UBP1: variants seen among roughly 807,000 people sequenced by gnomAD.
UBP1 encodes upstream-binding protein 1.
UBP1 carries 22 observed loss-of-function variants against 76.1 expected under a neutral mutation model. That is an observed-to-expected ratio of 0.29 (90% CI 0.21 to 0.41). The LOEUF (loss-of-function observed/expected upper bound fraction) is 0.41. UBP1 is among the 10% of genes least tolerant of loss of function. UBP1 has a pLI of 1.00. For synonymous variants in UBP1, 224 were observed against 237.1 expected, an observed-to-expected ratio of 0.94 and a Z score of 0.51; for missense variants, 436 against 668.1, an observed-to-expected ratio of 0.65 and a Z score of 3.83.
chr3:33,422,057 T>C (rs1231748711), intron 2 of UBP1, among the ~76,000 whole-genome samples: 1 of 151,920 alleles, frequency 6.6e-6, no homozygotes, highest in African/African-American at 2.4e-5. Context: ...AATAAATAAA[T>C]AATAAAATTA....
intron 2 of UBP1, among the ~76,000 whole-genome samples, 175 bp from the exon 3 acceptor site, chr3:33,417,009 T>A (rs778929036): frequency 3.9e-5 from 6 of 152,244 alleles, no homozygotes; most frequent in Non-Finnish European, 8.8e-5. Flanking sequence ...ACCAACCTTC[T>A]GTTCTAACAT....
At chr3:33,427,092 C>G (rs556173492) in intron 1 of UBP1, among the ~76,000 whole-genome samples, 1 of 152,342 alleles carries the variant, frequency 6.6e-6, no homozygotes, top group African/African-American at 2.4e-5. Context: ...TTCCGCCTCC[C>G]AAGTAGCTGG....
intron 2 of UBP1, among the ~76,000 whole-genome samples, chr3:33,420,085 G>A (rs1457561237): frequency 6.6e-6 from 1 of 152,094 alleles, no homozygotes; most frequent in Non-Finnish European, 1.5e-5. Context: ...TGGGACTCCA[G>A]GGCAACATGG....
intron 3 of UBP1, among the ~76,000 whole-genome samples, chr3:33,415,029 A>C (rs913362787): frequency 6.6e-6 from 1 of 152,184 alleles, no homozygotes. Context: ...TTGTATATTA[A>C]ATGTTTTTAC....
At chr3:33,422,611 G>C (rs1027365137) in intron 2 of UBP1, among the ~76,000 whole-genome samples, 1 of 151,914 alleles carries the variant, frequency 6.6e-6, no homozygotes, top group East Asian at 1.9e-4. Context: ...TGTAGTCCCA[G>C]CTACTCAGGA....
chr3:33,429,199 T>G (rs1442013377), intron 1 of UBP1, among the ~76,000 whole-genome samples: 1 of 152,224 alleles, frequency 6.6e-6, no homozygotes, highest in Non-Finnish European at 1.5e-5. Context: ...CAATTAGTAT[T>G]AAGATTGAAA....
chr3:33,414,509 TC>T (rs1396053632), intron 3 of UBP1, among the ~76,000 whole-genome samples: 2 of 152,112 alleles, frequency 1.3e-5, no homozygotes, highest in African/African-American at 4.8e-5. Flanking sequence ...TTCAAGAAGT[TC>T]CAAAGCACCT....
rs2154053660 is a variant in UBP1, at chr3:33,388,645, A to G, written c.*1686T>C. ...AAAACTTTTAAAACAAACGAGATAAACTCACTTCTTTCCCCAGTGACTGGT... is the reference window on the plus strand; with the variant it reads ...AAAACTTTTAAAACAAACGAGATAAGCTCACTTCTTTCCCCAGTGACTGGT... On this transcript the variant is annotated 3_prime_UTR_variant, in exon 16 of 16. Transcript: ENST00000283629. 6.6e-6 allele frequency: 1 copy of G among 152,354 alleles called. No individual in the cohort carries two copies. Among genetic ancestry groups the G allele is most frequent in the East Asian group, 1.9e-4 (1 of 5,186 alleles). The allele number at this position is 152,354 out of a possible 1,614,324, so 9.4% of individuals were successfully genotyped here.
At chr3:33,394,972 C>T (rs1246907929) in intron 13 of UBP1, among the ~76,000 whole-genome samples, 1 of 152,050 alleles carries the variant, frequency 6.6e-6, no homozygotes, top group Non-Finnish European at 1.5e-5. Flanking sequence ...ACTACCTGAC[C>T]TTTTACAGAA....
At chr3:33,391,749 G>A (rs1030157048) in intron 15 of UBP1, 4 of 152,298 alleles carry the variant, frequency 2.6e-5, no homozygotes, top group South Asian at 2.1e-4. Context: ...CTCCTGCCTC[G>A]TTTTGCCACC....
chr3:33,413,177 T>C (rs1363593515), intron 3 of UBP1, among the ~76,000 whole-genome samples: 2 of 152,262 alleles, frequency 1.3e-5, no homozygotes, highest in South Asian at 2.1e-4. Context: ...ACAGGAGTTA[T>C]TAAAAATGAA....
At chr3:33,439,224 C>A (rs539943760) in intron 1 of UBP1, among the ~76,000 whole-genome samples, 7 of 152,192 alleles carry the variant, frequency 4.6e-5, no homozygotes, top group African/African-American at 1.4e-4. Flanking sequence ...AAAACGAAGT[C>A]ACAGTGCTAC....
intron 1 of UBP1, among the ~76,000 whole-genome samples, chr3:33,436,064 C>T (rs1436780204): frequency 6.6e-6 from 1 of 152,224 alleles, no homozygotes; most frequent in Admixed American, 6.5e-5. Context: ...TAATCTTGTA[C>T]TAACTTAATA....
chr3:33,439,616 G>T, intron 1 of UBP1, 120 bp downstream of exon 1: 2 of 1,103,454 alleles, frequency 1.8e-6, no homozygotes, highest in South Asian at 1.6e-5. Context: ...GCAGGACTCC[G>T]ACCCCGCAGC....
intron 1 of UBP1, among the ~76,000 whole-genome samples, chr3:33,437,088 C>A (rs934912364): frequency 1.3e-5 from 2 of 152,036 alleles, no homozygotes; most frequent in African/African-American, 2.4e-5. Flanking sequence ...AAAACAACAA[C>A]AAAAAAGTAT....
chr3:33,400,229 G>A lies in UBP1; in HGVS notation c.1140C>T (p.Asn380=). 1 of 1,604,152 alleles carries A rather than the reference G, an allele frequency of 6.2e-7. No homozygotes were observed. Among genetic ancestry groups the A allele is most frequent in the African/African-American group, 1.3e-5 (1 of 74,270 alleles). ...ACAGTCTTGTGTAGGAAGAGAATCTGTTTTTGAGCAGCCATTGCTGTGTTT... is the reference window on the plus strand; with the variant it reads ...ACAGTCTTGTGTAGGAAGAGAATCTATTTTTGAGCAGCCATTGCTGTGTTT... ...IQETQQWLLK[N]RFSSYTRLFS... The change falls in exon 11 of 16, where the codon AAC becomes AAT. Residue 380 remains asparagine (N), a synonymous_variant. Coordinates refer to ENST00000283629, the MANE Select transcript of UBP1 (RefSeq NM_014517.5).
chr3:33,435,228 CT>C (rs2045186368), intron 1 of UBP1, among the ~76,000 whole-genome samples: 1 of 151,980 alleles, frequency 6.6e-6, no homozygotes, highest in South Asian at 2.1e-4. Flanking sequence ...GTTGTTAAAC[CT>C]TGAAATTAGA....
chr3:33,430,073 A>G (rs1241440229), intron 1 of UBP1, among the ~76,000 whole-genome samples: 1 of 152,222 alleles, frequency 6.6e-6, no homozygotes, highest in Non-Finnish European at 1.5e-5. Context: ...CCTATACCCC[A>G]TCCACCCTCA....
intron 13 of UBP1, among the ~76,000 whole-genome samples, chr3:33,395,124 C>G (rs1348043346): frequency 6.6e-6 from 1 of 152,128 alleles, no homozygotes; most frequent in East Asian, 1.9e-4. Context: ...ACATGGAGAT[C>G]TCCTTTAAAT....
Sources: gnomAD v4.1 joint callset for allele counts (sites outside exome capture counted in the v4.1 genomes callset) on GRCh38, gnomAD v4.1.1 for gene constraint, MANE v1.5 for transcripts, NCBI Gene and HGNC (gene_info 2026-07-23, HGNC 2026-07-21) for gene names.